CCDC144A: variants seen among roughly 807,000 people sequenced by gnomAD.
CCDC144A encodes the protein coiled-coil domain-containing protein 144A.
CCDC144A carries 41 observed loss-of-function variants against 143.8 expected under a neutral mutation model. That is an observed-to-expected ratio of 0.29 (90% CI 0.22 to 0.37). CCDC144A has a LOEUF of 0.37. Ranked by LOEUF, CCDC144A falls within the 10% of genes least tolerant of loss-of-function variation. The pLI, the probability that CCDC144A is intolerant of heterozygous loss-of-function variation, is 1.00. For missense variants in CCDC144A, 637 were observed against 1,488.8 expected (o/e 0.43, Z 9.41); for synonymous variants, 242 against 517.9 (o/e 0.47, Z 7.23).
chr17:16,716,241 C>T (rs2143157800), intron 6 of CCDC144A, among the ~76,000 whole-genome samples: 1 of 152,206 alleles, frequency 6.6e-6, no homozygotes, highest in South Asian at 2.1e-4. Flanking sequence ...AACAAACAAA[C>T]AAAAAACAAT....
chr17:16,753,332 G>A (rs1167252099), intron 12 of CCDC144A, among the ~76,000 whole-genome samples: 1 of 149,000 alleles, frequency 6.7e-6, no homozygotes, highest in Admixed American at 6.6e-5. Context: ...ACTGCTTTCA[G>A]TAATAAGGTC....
At chr17:16,707,357 A>G (rs1912120938) in intron 3 of CCDC144A, 112 bp from the exon 4 acceptor site, 2 of 628,172 alleles carry the variant, frequency 3.2e-6, no homozygotes, top group Non-Finnish European at 5.5e-6. Flanking sequence ...GCTTCATTTA[A>G]ACTCTCAATT....
chr17:16,709,543 C>T lies in CCDC144A; in HGVS notation c.1486C>T (p.Gln496Ter), dbSNP rs897502855. 2.5e-6 allele frequency: 4 copies of T among 1,611,524 alleles called. No individual in the cohort carries two copies. In the African/African-American group the frequency reaches 4.0e-5, roughly 16 times the overall value. Reference sequence around the variant, plus strand: ...AGAAGTATATCTACATGAAGAATTACAGCAAGACATGCAAAAGTTTAAGAA... The same window carrying T: ...AGAAGTATATCTACATGAAGAATTATAGCAAGACATGCAAAAGTTTAAGAA... Reference protein sequence around the residue: ...TSEVYLHEELQQDMQKFKNEV... With the variant: ...TSEVYLHEEL Residue 496 changes from glutamine to a stop codon, truncating the protein, a stop_gained, in exon 5 of 17, where the codon CAG becomes TAG. Transcript: ENST00000399273. LOFTEE classifies it high-confidence loss of function.
At chr17:16,719,805 A>T (rs1477812078) in intron 6 of CCDC144A, among the ~76,000 whole-genome samples, 1 of 152,042 alleles carries the variant, frequency 6.6e-6, no homozygotes, top group East Asian at 1.9e-4. Flanking sequence ...AATATTTTCC[A>T]AATAGGTTTT....
chr17:16,723,056 C>CG (rs1913188473), intron 8 of CCDC144A, among the ~76,000 whole-genome samples: 1 of 151,112 alleles, frequency 6.6e-6, no homozygotes, highest in South Asian at 2.1e-4. Context: ...TTTTTGAGGG[C>CG]GGGGGAGAGG....
intron 9 of CCDC144A, among the ~76,000 whole-genome samples, chr17:16,728,568 T>C (rs1913547289): frequency 6.6e-6 from 1 of 152,216 alleles, no homozygotes; most frequent in Non-Finnish European, 1.5e-5. Context: ...TTTATACAGT[T>C]TTATTCTTTT....
Position 16,773,489 on chromosome 17 carries a change from T to C in CCDC144A, c.4142-8T>C, listed in dbSNP as rs1915901661. 1 of 1,539,776 alleles carries C rather than the reference T, an allele frequency of 6.5e-7. No homozygotes were observed. The highest frequency in any genetic ancestry group is 2.0e-5 in the Admixed American group (1 of 49,856). ...TAATAATAATATAATTCTTGCTTTT[T>C]TTTTCAGCTGCTACTAAATATGAAC... On this transcript the variant is annotated splice_polypyrimidine_tract_variant and splice_region_variant and intron_variant, in intron 16 of 16. Coordinates refer to ENST00000399273, the MANE Select transcript of CCDC144A (RefSeq NM_001382000.1).
intron 1 of CCDC144A, 65 bp downstream of exon 1, chr17:16,690,809 C>G (rs1299935975): frequency 6.6e-7 from 1 of 1,504,660 alleles, no homozygotes; most frequent in African/African-American, 1.4e-5. Flanking sequence ...CCCGCAGGCC[C>G]CACGGCACCC....
At chr17:16,681,491 T>C in the CCDC144A span, among the ~76,000 whole-genome samples, 2 of 152,174 alleles carry the variant, frequency 1.3e-5, no homozygotes, top group Non-Finnish European at 2.9e-5. Flanking sequence ...TGGAAAAGTA[T>C]GTAAAGTTAC....
At chr17:16,749,718 T>G (rs1010753965) in intron 12 of CCDC144A, among the ~76,000 whole-genome samples, 5 of 152,234 alleles carry the variant, frequency 3.3e-5, no homozygotes, top group Non-Finnish European at 7.3e-5. Context: ...ATTGTGTGAC[T>G]GAGTCTTTTG....
At chr17:16,711,135 T>TTAAAAAA (rs1912384837) in intron 5 of CCDC144A, among the ~76,000 whole-genome samples, 1 of 10,088 alleles carries the variant, frequency 9.9e-5, no homozygotes, top group Non-Finnish European at 1.9e-4. Flanking sequence ...AGGATTCAAA[T>TTAAAAAA]GAAAAAAAAA....
chr17:16,688,932 C>T (rs565772915), upstream of CCDC144A, among the ~76,000 whole-genome samples: 58 of 152,160 alleles, frequency 3.8e-4, no homozygotes, highest in Non-Finnish European at 7.6e-4. Context: ...CCCATCTCCT[C>T]GGCTGCAGCA....
At chr17:16,690,780 G>A (rs745799272) in intron 1 of CCDC144A, 36 bp downstream of exon 1, 1 of 1,551,002 alleles carries the variant, frequency 6.4e-7, no homozygotes, top group Non-Finnish European at 8.7e-7. Flanking sequence ...GTCCTGTCGG[G>A]GACACTGGCT....
chr17:16,759,576 T>A (rs1391002998), intron 12 of CCDC144A, among the ~76,000 whole-genome samples: 1 of 150,536 alleles, frequency 6.6e-6, no homozygotes, highest in Non-Finnish European at 1.5e-5. Context: ...TGCCCTTTCC[T>A]TCAGGTTCCC....
the CCDC144A span, among the ~76,000 whole-genome samples, chr17:16,678,911 C>T: frequency 2.0e-5 from 3 of 151,826 alleles, no homozygotes; most frequent in Admixed American, 6.6e-5. Flanking sequence ...TGTGCCACCA[C>T]GCCCGGCTAA....
chr17:16,750,885 T>C (rs549883328), intron 12 of CCDC144A, among the ~76,000 whole-genome samples: 89 of 152,308 alleles, frequency 5.8e-4, no homozygotes, highest in African/African-American at 2.1e-3. Flanking sequence ...TTCAGTTTGA[T>C]TCTTTTTAAA....
At chr17:16,749,572 T>C (rs2621525) in intron 12 of CCDC144A, among the ~76,000 whole-genome samples, 1 of 152,264 alleles carries the variant, frequency 6.6e-6, no homozygotes, top group Admixed American at 6.5e-5. Flanking sequence ...TGTAGTTGTT[T>C]GGTGGAGTAT....
chr17:16,702,282 T>C (rs1350254870), intron 2 of CCDC144A, among the ~76,000 whole-genome samples: 2 of 152,184 alleles, frequency 1.3e-5, no homozygotes, highest in Non-Finnish European at 2.9e-5. Context: ...TCTCACTGAA[T>C]GAACGGTGTG....
In CCDC144A at chr17:16,690,395, C is replaced by T. The variant is rs1252431742; in HGVS notation, c.-6C>T. The T allele has an allele frequency of 1.3e-6, 2 of 1,536,166 alleles. No individual in the cohort carries two copies. Among genetic ancestry groups the T allele is most frequent in the East Asian group, 4.5e-5 (2 of 43,986 alleles). Reference sequence around the variant, plus strand: ...AGGTTGTGGCCGAGGCAGTAGCTCGCTACTGATGGCCTCCTGGGGTGGAGA... The same window carrying T: ...AGGTTGTGGCCGAGGCAGTAGCTCGTTACTGATGGCCTCCTGGGGTGGAGA... On this transcript the variant is annotated 5_prime_UTR_variant, in exon 1 of 17. Transcript: ENST00000399273.
Sources: gnomAD v4.1 joint callset for allele counts (sites outside exome capture counted in the v4.1 genomes callset) on GRCh38, gnomAD v4.1.1 for gene constraint, MANE v1.5 for transcripts, NCBI Gene and HGNC (gene_info 2026-07-23, HGNC 2026-07-21) for gene names.